Variants in ADORA2B observed in about 807,000 individuals in gnomAD.
ADORA2B encodes adenosine receptor A2b.
ADORA2B carries 18 observed loss-of-function variants against 20.8 expected under a neutral mutation model. The observed-to-expected ratio is 0.87, with a 90% confidence interval of 0.60 to 1.29. The LOEUF (loss-of-function observed/expected upper bound fraction) is 1.29. ADORA2B is among the 50% of genes most tolerant of loss of function. ADORA2B has a pLI of 0.00. For synonymous variants in ADORA2B, 179 were observed against 178.3 expected (o/e 1.00, Z -0.03); for missense variants, 441 against 422.7 (o/e 1.04, Z -0.38).
At chr17:15,953,844 CCT>C (rs530419700) in intron 1 of ADORA2B, among the ~76,000 whole-genome samples, 129 of 152,302 alleles carry the variant, frequency 8.5e-4, no homozygotes, top group Middle Eastern at 3.4e-3. Context: ...AGAGTTGTCC[CCT>C]GTCTTGGATC....
At chr17:15,887,184 C>T in the ADORA2B span, among the ~76,000 whole-genome samples, 2 of 130,280 alleles carry the variant, frequency 1.5e-5, 1 homozygote. Flanking sequence ...TGGGACGCAG[C>T]CGTCCTCTTG....
the ADORA2B span, among the ~76,000 whole-genome samples, chr17:15,927,738 A>G: frequency 6.6e-6 from 1 of 152,230 alleles, no homozygotes; most frequent in African/African-American, 2.4e-5. Context: ...CAGCAAGGGC[A>G]GAGCAGATGG....
chr17:15,953,441 C>G (rs1223148135), intron 1 of ADORA2B, among the ~76,000 whole-genome samples: 1 of 152,238 alleles, frequency 6.6e-6, no homozygotes, highest in African/African-American at 2.4e-5. Context: ...CAGCCCCCAG[C>G]CTGTTTCTCT....
At chr17:15,898,230 A>G in the ADORA2B span, among the ~76,000 whole-genome samples, 1 of 152,126 alleles carries the variant, frequency 6.6e-6, no homozygotes, top group Non-Finnish European at 1.5e-5. Flanking sequence ...TTGGAAGATT[A>G]TATTCTATGC....
intron 1 of ADORA2B, 28 bp downstream of exon 1, chr17:15,945,611 G>A (rs1440967578): frequency 3.4e-6 from 5 of 1,449,660 alleles, no homozygotes; most frequent in South Asian, 1.4e-5. Flanking sequence ...GCCCGAACTC[G>A]GGGCCCCGTC....
chr17:15,958,336 T>C (rs1969996267), intron 1 of ADORA2B, among the ~76,000 whole-genome samples: 1 of 151,900 alleles, frequency 6.6e-6, no homozygotes, highest in South Asian at 2.1e-4. Flanking sequence ...CTTCTTAAAC[T>C]CTCCCTCCAT....
the ADORA2B span, among the ~76,000 whole-genome samples, chr17:15,871,389 A>T: frequency 6.6e-6 from 1 of 152,244 alleles, no homozygotes; most frequent in Non-Finnish European, 1.5e-5. Context: ...TACAAAGCCC[A>T]GATGCTATTG....
chr17:15,858,777 G>T, the ADORA2B span: 1 of 163,310 alleles, frequency 6.1e-6, no homozygotes, highest in East Asian at 1.7e-4. Context: ...GCCAGCAAAG[G>T]GATGACTCAA....
chr17:15,910,092 C>G, the ADORA2B span, among the ~76,000 whole-genome samples: 1 of 152,186 alleles, frequency 6.6e-6, no homozygotes, highest in African/African-American at 2.4e-5. Context: ...AAGTGTAAAA[C>G]AGCCTGTTAG....
At chr17:15,872,102 G>A in the ADORA2B span, among the ~76,000 whole-genome samples, 1 of 152,170 alleles carries the variant, frequency 6.6e-6, no homozygotes, top group Non-Finnish European at 1.5e-5. Context: ...GCAGATGAGT[G>A]TTTGCCAGGG....
At chr17:15,867,420 G>A in the ADORA2B span, among the ~76,000 whole-genome samples, 1 of 150,622 alleles carries the variant, frequency 6.6e-6, no homozygotes, top group African/African-American at 2.5e-5. Context: ...TGTGAGGAGT[G>A]TCTCTGCCCG....
chr17:15,969,569 C>A (rs973142800), intron 1 of ADORA2B, among the ~76,000 whole-genome samples: 1 of 152,214 alleles, frequency 6.6e-6, no homozygotes, highest in Non-Finnish European at 1.5e-5. Flanking sequence ...TCCCACTCTT[C>A]CTTTAATCCT....
chr17:15,884,373 A>G, the ADORA2B span, among the ~76,000 whole-genome samples: 4 of 148,820 alleles, frequency 2.7e-5, no homozygotes, highest in Non-Finnish European at 3.0e-5. Flanking sequence ...AAGAAATTGA[A>G]TTTTAATTTT....
At chr17:15,904,417 G>A in the ADORA2B span, among the ~76,000 whole-genome samples, 5 of 135,636 alleles carry the variant, frequency 3.7e-5, no homozygotes, top group African/African-American at 5.7e-5. Flanking sequence ...TTTTTGAGAC[G>A]GAGTCTCTCC....
intron 1 of ADORA2B, among the ~76,000 whole-genome samples, chr17:15,973,618 C>G (rs1453417805): frequency 6.6e-6 from 1 of 152,198 alleles, no homozygotes; most frequent in Non-Finnish European, 1.5e-5. Context: ...CTATTGTGAA[C>G]TGTGCACGCA....
chr17:15,916,404 G>T, the ADORA2B span, among the ~76,000 whole-genome samples: 2 of 152,130 alleles, frequency 1.3e-5, no homozygotes, highest in African/African-American at 4.8e-5. Context: ...TCGACCAGGA[G>T]CTTCGACAAG....
the ADORA2B span, among the ~76,000 whole-genome samples, chr17:15,926,679 G>A: frequency 6.6e-6 from 1 of 152,164 alleles, no homozygotes; most frequent in Non-Finnish European, 1.5e-5. Flanking sequence ...CTGAGGAATG[G>A]CAAAGTTCTG....
At chr17:15,951,588 T>C (rs1298839477) in intron 1 of ADORA2B, among the ~76,000 whole-genome samples, 1 of 152,262 alleles carries the variant, frequency 6.6e-6, no homozygotes, top group African/African-American at 2.4e-5. Flanking sequence ...CCTGGCATGT[T>C]GATTCCAGAG....
the ADORA2B span, among the ~76,000 whole-genome samples, chr17:15,881,794 C>T: frequency 5.3e-5 from 8 of 152,182 alleles, no homozygotes; most frequent in Non-Finnish European, 7.4e-5. Context: ...TTCTTCTCTC[C>T]GTAGCCCCTA....
Sources: gnomAD v4.1 joint callset for allele counts (sites outside exome capture counted in the v4.1 genomes callset) on GRCh38, gnomAD v4.1.1 for gene constraint, MANE v1.5 for transcripts, NCBI Gene and HGNC (gene_info 2026-07-23, HGNC 2026-07-21) for gene names.